Variants in NR3C2 observed in about 807,000 individuals in gnomAD.
The protein encoded by NR3C2 is mineralocorticoid receptor.
NR3C2 carries 15 observed loss-of-function variants against 86.4 expected under a neutral mutation model. That is an observed-to-expected ratio of 0.17 (90% CI 0.12 to 0.27). The LOEUF (loss-of-function observed/expected upper bound fraction) is 0.27, where lower values mean the gene tolerates loss of function less well. NR3C2 is among the 10% of genes least tolerant of loss of function. The probability of loss-of-function intolerance (pLI) is 1.00; values close to 1 mark genes in which losing one functional copy is unlikely to be tolerated. For synonymous variants in NR3C2, 458 were observed against 450.5 expected (o/e 1.02, Z -0.21); for missense variants, 960 against 1,195.6 (o/e 0.80, Z 2.91).
At chr4:148,087,917 C>T (rs1730889576) in intron 8 of NR3C2, among the ~76,000 whole-genome samples, 1 of 152,172 alleles carries the variant, frequency 6.6e-6, no homozygotes, top group Non-Finnish European at 1.5e-5. Context: ...AAACTATCAT[C>T]AGAGTGAACA....
chr4:148,282,122 AG>A (rs1741277046), intron 2 of NR3C2, among the ~76,000 whole-genome samples: 1 of 152,140 alleles, frequency 6.6e-6, no homozygotes, highest in South Asian at 2.1e-4. Flanking sequence ...CTCTGCTTCC[AG>A]GGCTTAAGCA....
chr4:148,385,168 A>C (rs1561077256), intron 2 of NR3C2, among the ~76,000 whole-genome samples: 1 of 152,236 alleles, frequency 6.6e-6, no homozygotes. Flanking sequence ...TCTGAGAAAT[A>C]AAATACCATC....
At chr4:148,082,735 A>G (rs1244859902) in intron 8 of NR3C2, among the ~76,000 whole-genome samples, 1 of 146,858 alleles carries the variant, frequency 6.8e-6, no homozygotes, top group African/African-American at 2.5e-5. Context: ...TCACTTCCCT[A>G]GAAAGGGGGC....
intron 8 of NR3C2, among the ~76,000 whole-genome samples, chr4:148,097,759 T>TG (rs1560920023): frequency 1.3e-5 from 2 of 150,338 alleles, no homozygotes; most frequent in African/African-American, 2.5e-5. Flanking sequence ...TTGTTTTTTT[T>TG]TTTTTTTTTA....
At chr4:148,267,939 GT>G (rs71594257) in intron 2 of NR3C2, among the ~76,000 whole-genome samples, 53,259 of 115,846 alleles carry the variant, frequency 0.46, 9,481 homozygotes, top group East Asian at 0.71. Context: ...GAGTCACAGT[GT>G]TTTTTTTTTT....
intron 8 of NR3C2, among the ~76,000 whole-genome samples, chr4:148,086,770 T>C (rs1730833813): frequency 6.6e-6 from 1 of 152,030 alleles, no homozygotes; most frequent in Non-Finnish European, 1.5e-5. Context: ...AACTAGGTAT[T>C]GATGGAACAT....
At chr4:148,427,163 C>A (rs2126628297) in intron 2 of NR3C2, among the ~76,000 whole-genome samples, 1 of 152,064 alleles carries the variant, frequency 6.6e-6, no homozygotes, top group South Asian at 2.1e-4. Context: ...CCATGTTGGC[C>A]AGGCTGGTCT....
chr4:148,213,645 A>C (rs1391374803), intron 3 of NR3C2, among the ~76,000 whole-genome samples: 2 of 151,694 alleles, frequency 1.3e-5, no homozygotes, highest in African/African-American at 4.9e-5. Flanking sequence ...CATTTCAGAC[A>C]GCCATTCTGC....
intron 6 of NR3C2, among the ~76,000 whole-genome samples, chr4:148,126,160 C>A (rs1732735324): frequency 6.6e-6 from 1 of 152,222 alleles, no homozygotes; most frequent in African/African-American, 2.4e-5. Context: ...GCTTTGTGAT[C>A]TGGTAGCATG....
intron 2 of NR3C2, among the ~76,000 whole-genome samples, chr4:148,364,432 T>G (rs539938380): frequency 6.6e-6 from 1 of 152,340 alleles, no homozygotes; most frequent in South Asian, 2.1e-4. Flanking sequence ...TGAATGGTAA[T>G]GTTTCTGGAA....
chr4:148,158,955 G>T (rs1480780381), intron 4 of NR3C2, among the ~76,000 whole-genome samples: 1 of 152,132 alleles, frequency 6.6e-6, no homozygotes, highest in Admixed American at 6.5e-5. Context: ...ATAGTTCAAG[G>T]TAATAAATAT....
At position 148,080,851 on chromosome 4, in the gene NR3C2, A is replaced by C. The variant is rs1305347969; in HGVS notation, c.*493T>G. ...GCCACGAGTTCTGTTATTACACAAC[A>C]GGAATCTGTATATATTTTTTTATTA... On this transcript the variant is annotated 3_prime_UTR_variant, in exon 9 of 9. Coordinates refer to ENST00000358102, the MANE Select transcript of NR3C2 (RefSeq NM_000901.5). 1.7e-5 allele frequency: 7 copies of C among 401,500 alleles called. No homozygotes were observed. The highest frequency in any genetic ancestry group is 3.5e-5 in the Non-Finnish European group (7 of 200,218). The allele number at this position is 401,500 out of a possible 1,614,324, so 24.9% of individuals were successfully genotyped here.
chr4:148,288,777 G>A (rs1741654924), intron 2 of NR3C2, among the ~76,000 whole-genome samples: 1 of 152,106 alleles, frequency 6.6e-6, no homozygotes, highest in African/African-American at 2.4e-5. Flanking sequence ...GGCAGGCATG[G>A]AAAAACAGTC....
intron 2 of NR3C2, among the ~76,000 whole-genome samples, chr4:148,262,556 A>G (rs985034127): frequency 6.6e-6 from 1 of 152,172 alleles, no homozygotes; most frequent in Non-Finnish European, 1.5e-5. Flanking sequence ...GTTAACGGCA[A>G]CTACTATGGA....
intron 2 of NR3C2, among the ~76,000 whole-genome samples, chr4:148,422,792 T>C (rs1749344398): frequency 6.6e-6 from 1 of 152,196 alleles, no homozygotes; most frequent in Non-Finnish European, 1.5e-5. Flanking sequence ...TTTTTTTCTG[T>C]AGTCTAATAA....
At chr4:148,333,044 T>C (rs1442858823) in intron 2 of NR3C2, among the ~76,000 whole-genome samples, 2 of 151,986 alleles carry the variant, frequency 1.3e-5, no homozygotes, top group Admixed American at 6.5e-5. Context: ...GGTGGGCAGA[T>C]TGCTGGAACA....
At chr4:148,337,020 C>A (rs1034816985) in intron 2 of NR3C2, among the ~76,000 whole-genome samples, 2 of 152,170 alleles carry the variant, frequency 1.3e-5, no homozygotes, top group African/African-American at 2.4e-5. Context: ...GTCTTGAACT[C>A]CTAGGCTCAA....
intron 4 of NR3C2, among the ~76,000 whole-genome samples, chr4:148,175,902 G>A (rs894073346): frequency 3.3e-5 from 5 of 152,156 alleles, no homozygotes; most frequent in Admixed American, 6.5e-5. Context: ...AGGCTGAGGC[G>A]GGAGGATCAC....
chr4:148,105,526 A>G (rs182491858), intron 8 of NR3C2, among the ~76,000 whole-genome samples: 103 of 152,354 alleles, frequency 6.8e-4, no homozygotes, highest in African/African-American at 2.5e-3. Flanking sequence ...ACTCATTTTT[A>G]TGAGGCCAGC....
Sources: allele counts gnomAD v4.1 joint callset (sites outside exome capture counted in the v4.1 genomes callset), GRCh38; gene constraint gnomAD v4.1.1; transcripts MANE v1.5; gene names NCBI Gene and HGNC (gene_info 2026-07-23, HGNC 2026-07-21).